PTPRM: variants seen among roughly 807,000 people sequenced by gnomAD.
PTPRM encodes protein tyrosine phosphatase receptor type M.
PTPRM carries 47 observed loss-of-function variants against 186.7 expected under a neutral mutation model. That is an observed-to-expected ratio of 0.25 (90% CI 0.20 to 0.32). PTPRM has a LOEUF of 0.32. PTPRM is among the 10% of genes least tolerant of loss of function. The pLI is 1.00. For missense variants in PTPRM, 1,494 were observed against 1,865.0 expected, an observed-to-expected ratio of 0.80 and a Z score of 3.66; for synonymous variants, 668 against 674.9, an observed-to-expected ratio of 0.99 and a Z score of 0.16.
chr18:7,606,822 C>T lies in PTPRM; in HGVS notation c.73+38931C>T, dbSNP rs576710008. Among the ~76,000 whole-genome samples, 4 of 152,302 alleles carry T rather than the reference C, an allele frequency of 2.6e-5. No individual in the cohort carries two copies. The South Asian group carries it at 8.3e-4, about 32-fold the overall frequency. On this transcript the variant is annotated intron_variant, in intron 1 of 32. Coordinates refer to ENST00000580170, the MANE Select transcript of PTPRM (RefSeq NM_001105244.2). ...GGGAGGATGTCTTGTTTTCTTTAGTCTGCCTTACAGATGCTGGAGGAAGCT... is the reference window on the plus strand; with the variant it reads ...GGGAGGATGTCTTGTTTTCTTTAGTTTGCCTTACAGATGCTGGAGGAAGCT...
At chr18:7,781,831 T>TAAC (rs1470369848) in intron 2 of PTPRM, among the ~76,000 whole-genome samples, 3 of 152,272 alleles carry the variant, frequency 2.0e-5, no homozygotes, top group East Asian at 3.9e-4. Context: ...TCTGAATAAT[T>TAAC]CCAGTCACTG....
At chr18:7,782,517 C>G (rs1158440325) in intron 2 of PTPRM, among the ~76,000 whole-genome samples, 1 of 152,140 alleles carries the variant, frequency 6.6e-6, no homozygotes, top group Non-Finnish European at 1.5e-5. Context: ...ATTGTACAAC[C>G]ATCACCATTG....
chr18:8,318,072 CAT>C (rs1160785753), intron 21 of PTPRM, among the ~76,000 whole-genome samples: 1 of 152,140 alleles, frequency 6.6e-6, no homozygotes, highest in Non-Finnish European at 1.5e-5. Context: ...AATGATCTAA[CAT>C]GTGCATTTAA....
chr18:7,710,647 C>A (rs78671174), intron 1 of PTPRM, among the ~76,000 whole-genome samples: 4,213 of 152,258 alleles, frequency 0.028, 76 homozygotes, highest in Non-Finnish European at 0.04. Flanking sequence ...CTAGAAAACC[C>A]TAAAGATTCA....
chr18:8,218,205 G>A (rs1304997915), intron 14 of PTPRM, among the ~76,000 whole-genome samples: 1 of 152,130 alleles, frequency 6.6e-6, no homozygotes, highest in Non-Finnish European at 1.5e-5. Flanking sequence ...TACAATGTTT[G>A]TCAAATCTCT....
intron 1 of PTPRM, among the ~76,000 whole-genome samples, chr18:7,647,065 C>T (rs2038582534): frequency 1.3e-5 from 2 of 152,102 alleles, no homozygotes; most frequent in South Asian, 2.1e-4. Flanking sequence ...ACAACATGTT[C>T]CTGAGACACG....
chr18:8,349,070 T>C (rs1308199590), intron 23 of PTPRM, among the ~76,000 whole-genome samples: 1 of 152,180 alleles, frequency 6.6e-6, no homozygotes, highest in South Asian at 2.1e-4. Flanking sequence ...AAGTTTACTA[T>C]GAACACTAGA....
At chr18:7,578,900 C>T (rs1440950067) in intron 1 of PTPRM, among the ~76,000 whole-genome samples, 2 of 152,122 alleles carry the variant, frequency 1.3e-5, no homozygotes, top group Non-Finnish European at 2.9e-5. Context: ...TCTGTTCCCC[C>T]ATCCTCATGC....
intron 1 of PTPRM, among the ~76,000 whole-genome samples, chr18:7,667,861 G>T (rs914479663): frequency 6.6e-6 from 1 of 152,128 alleles, no homozygotes. Flanking sequence ...AATTATTCAT[G>T]TTAGCCCAAA....
chr18:7,621,505 A>G (rs1389923877), intron 1 of PTPRM, among the ~76,000 whole-genome samples: 2 of 152,134 alleles, frequency 1.3e-5, no homozygotes, highest in South Asian at 2.1e-4. Flanking sequence ...TTAGTGGGCC[A>G]CATTTGATGT....
At chr18:8,218,692 C>A (rs992823508) in intron 14 of PTPRM, among the ~76,000 whole-genome samples, 1 of 152,164 alleles carries the variant, frequency 6.6e-6, no homozygotes, top group South Asian at 2.1e-4. Context: ...TACTTTTGTG[C>A]ATGAAGCATG....
intron 2 of PTPRM, among the ~76,000 whole-genome samples, chr18:7,828,899 G>A (rs2045624259): frequency 6.6e-6 from 1 of 152,104 alleles, no homozygotes; most frequent in South Asian, 2.1e-4. Flanking sequence ...ACAAATGAAT[G>A]ATGGCATTAT....
At position 7,948,485 on chromosome 18, in the gene PTPRM, G is replaced by A. The variant is rs368134152; in HGVS notation, c.664-696G>A. Among the ~76,000 whole-genome samples the A allele has an allele frequency of 5.9e-5, 9 of 152,176 alleles. No homozygotes were observed. The East Asian group carries it at 1.2e-3, about 20-fold the overall frequency. On this transcript the variant is annotated intron_variant, in intron 5 of 32. Coordinates refer to ENST00000580170, the MANE Select transcript of PTPRM (RefSeq NM_001105244.2). ...AACTAAAAGGGTTACTTAATATATG[G>A]GGATAATAAAAGACCATATATGGGG...
chr18:7,760,781 A>G (rs565337318), intron 1 of PTPRM, among the ~76,000 whole-genome samples: 1 of 152,336 alleles, frequency 6.6e-6, no homozygotes, highest in East Asian at 1.9e-4. Context: ...ATGGTTTTAT[A>G]GATGAATAGA....
intron 13 of PTPRM, among the ~76,000 whole-genome samples, chr18:8,119,036 C>G (rs991148648): frequency 2.6e-5 from 4 of 151,744 alleles, no homozygotes; most frequent in Non-Finnish European, 5.9e-5. Flanking sequence ...AAAAATCAGA[C>G]TGTAAGCCTT....
chr18:7,681,480 T>C (rs1358178872), intron 1 of PTPRM, among the ~76,000 whole-genome samples: 2 of 152,100 alleles, frequency 1.3e-5, no homozygotes, highest in South Asian at 2.1e-4. Context: ...GGCCATCAAG[T>C]TCTCTCCTCA....
chr18:8,263,846 G>A (rs549462117), intron 19 of PTPRM, among the ~76,000 whole-genome samples: 24 of 152,192 alleles, frequency 1.6e-4, no homozygotes, highest in Non-Finnish European at 3.2e-4. Flanking sequence ...CCAGTCCTAC[G>A]CACCTGTTCG....
At chr18:7,641,995 T>C (rs889911905) in intron 1 of PTPRM, among the ~76,000 whole-genome samples, 1 of 152,146 alleles carries the variant, frequency 6.6e-6, no homozygotes, top group African/African-American at 2.4e-5. Context: ...CACTGTCTGG[T>C]TGTAAATGGC....
rs543072289 is a variant in PTPRM, at chr18:7,811,627, C to A, written c.196+37356C>A. Reference sequence around the variant, plus strand: ...CATTTCTCCCATCTCAGCCTCCTAACATGTTGGGTTTACAGGCGTGAGCTA... The same window carrying A: ...CATTTCTCCCATCTCAGCCTCCTAAAATGTTGGGTTTACAGGCGTGAGCTA... On this transcript the variant is annotated intron_variant, in intron 2 of 32. Coordinates refer to ENST00000580170, the MANE Select transcript of PTPRM (RefSeq NM_001105244.2). 2.4e-4 allele frequency among the ~76,000 whole-genome samples: 37 copies of A among 152,138 alleles called. 1 individual carries two copies. The highest frequency in any genetic ancestry group is 8.8e-5 in the Non-Finnish European group (6 of 68,022).
Sources: allele counts gnomAD v4.1 joint callset (sites outside exome capture counted in the v4.1 genomes callset), GRCh38; gene constraint gnomAD v4.1.1; transcripts MANE v1.5; gene names NCBI Gene and HGNC (gene_info 2026-07-23, HGNC 2026-07-21).